The following NFYC variants were observed in gnomAD, a reference collection of about 807,000 sequenced individuals.
NFYC encodes the protein CAAT box DNA-binding protein subunit C.
In NFYC, 25 loss-of-function variants were observed where a neutral mutation model predicts 53.1. That is an observed-to-expected ratio of 0.47 (90% CI 0.34 to 0.66). The LOEUF is 0.66. NFYC is among the 30% of genes least tolerant of loss of function. NFYC has a pLI of 0.01. For missense variants in NFYC, 260 were observed against 422.7 expected (o/e 0.62, Z 3.38); for synonymous variants, 145 against 152.6 (o/e 0.95, Z 0.37).
Position 40,762,976 on chromosome 1 carries a change from G to A in NFYC, c.650G>A (p.Ser217Asn), listed in dbSNP as rs764859521. The A allele has an allele frequency of 6.2e-6, 10 of 1,612,096 alleles. No individual in the cohort carries two copies. The change falls in exon 7 of 10, where the codon AGT becomes AAT. Residue 217 changes from serine (S) to asparagine (N), a missense_variant. Ser to Asn is a conservative substitution (Grantham distance 46, BLOSUM62 1). Coordinates refer to ENST00000447388, the MANE Select transcript of NFYC (RefSeq NM_014223.5). Reference sequence around the variant, plus strand: ...CAGGGTCAAGCCCAACAGGCCCAGAGTGGCACTGGACAGACCATGCAGGTG... The same window carrying A: ...CAGGGTCAAGCCCAACAGGCCCAGAATGGCACTGGACAGACCATGCAGGTG... ...QPQGQAQQAQ[S>N]GTGQTMQVMQ... is the part of the protein sequence containing the mutation.
chr1:40,709,178 G>A (rs564815227), intron 1 of NFYC, among the ~76,000 whole-genome samples: 1 of 152,272 alleles, frequency 6.6e-6, no homozygotes, highest in African/African-American at 2.4e-5. Flanking sequence ...TGCTTCTCAA[G>A]GTAACTTTAA....
intron 1 of NFYC, among the ~76,000 whole-genome samples, chr1:40,737,901 C>CTTTTTTTTTTTTTTTTTT (rs530348029): frequency 1.5e-4 from 19 of 123,140 alleles, no homozygotes; most frequent in African/African-American, 5.0e-4. Flanking sequence ...TGCTCTCTCT[C>CTTTTTTTTTTTTTTTTTT]TTTTTTTTTT....
chr1:40,750,733 A>G (rs1645867348), intron 4 of NFYC, among the ~76,000 whole-genome samples: 1 of 152,258 alleles, frequency 6.6e-6, no homozygotes, highest in South Asian at 2.1e-4. Flanking sequence ...TAGAAAATAA[A>G]ATAGGCAAAA....
intron 8 of NFYC, chr1:40,769,118 G>T (rs963783286): frequency 2.0e-6 from 1 of 491,130 alleles, no homozygotes; most frequent in African/African-American, 2.0e-5. Context: ...AGAGATGGGT[G>T]TGGGAACTAT....
chr1:40,697,583 C>A (rs1200268196), intron 1 of NFYC, among the ~76,000 whole-genome samples: 1 of 152,170 alleles, frequency 6.6e-6, no homozygotes, highest in African/African-American at 2.4e-5. Flanking sequence ...TGATTAAATT[C>A]GGAACAACTG....
chr1:40,762,404 T>C (rs958146046), intron 6 of NFYC, among the ~76,000 whole-genome samples: 1 of 152,342 alleles, frequency 6.6e-6, no homozygotes, highest in Admixed American at 6.5e-5. Flanking sequence ...ACCCCTGTGC[T>C]TTATTTTTCT....
At chr1:40,723,015 A>G (rs770387348) in intron 1 of NFYC, among the ~76,000 whole-genome samples, 1 of 152,230 alleles carries the variant, frequency 6.6e-6, no homozygotes, top group Admixed American at 6.5e-5. Context: ...TTGTATTGTG[A>G]TCTTGAGCAA....
chr1:40,765,916 C>CT (rs1282110912), intron 7 of NFYC, among the ~76,000 whole-genome samples: 3 of 152,188 alleles, frequency 2.0e-5, no homozygotes, highest in Admixed American at 6.5e-5. Context: ...ATGAGAGACT[C>CT]TAAGGGCGCT....
intron 1 of NFYC, among the ~76,000 whole-genome samples, chr1:40,708,408 G>T (rs191281003): frequency 2.6e-5 from 4 of 152,296 alleles, no homozygotes; most frequent in Non-Finnish European, 5.9e-5. Flanking sequence ...CAAGGATTTT[G>T]GTATCCATGA....
intron 7 of NFYC, among the ~76,000 whole-genome samples, chr1:40,763,906 G>A (rs1646691006): frequency 6.6e-6 from 1 of 152,224 alleles, no homozygotes; most frequent in African/African-American, 2.4e-5. Flanking sequence ...AGGATAAGAG[G>A]GAGGCGTATA....
At chr1:40,708,829 GA>G (rs1643841153) in intron 1 of NFYC, among the ~76,000 whole-genome samples, 1 of 152,184 alleles carries the variant, frequency 6.6e-6, no homozygotes, top group Non-Finnish European at 1.5e-5. Flanking sequence ...ATGCTCAACA[GA>G]AAACTGAAGA....
intron 1 of NFYC, among the ~76,000 whole-genome samples, chr1:40,694,123 T>A (rs1642995045): frequency 6.6e-6 from 1 of 152,268 alleles, no homozygotes. Context: ...AGGTAATTTA[T>A]GCCAAATGGC....
intron 1 of NFYC, among the ~76,000 whole-genome samples, chr1:40,733,684 T>C (rs1044393788): frequency 8.6e-5 from 13 of 151,438 alleles, no homozygotes; most frequent in African/African-American, 3.1e-4. Flanking sequence ...TCCTTCTGCC[T>C]CAGCCTCCTG....
chr1:40,735,501 A>G (rs1644981835), intron 1 of NFYC: 2 of 754,964 alleles, frequency 2.6e-6, no homozygotes, highest in East Asian at 1.3e-4. Flanking sequence ...GACTGCACAG[A>G]TGGTTCTAGA....
intron 2 of NFYC, among the ~76,000 whole-genome samples, chr1:40,742,923 C>G (rs182440931): frequency 1.3e-5 from 2 of 152,274 alleles, no homozygotes; most frequent in African/African-American, 4.8e-5. Context: ...CTGTCCCTTT[C>G]CAGAACTCAA....
At chr1:40,725,742 G>C (rs1394968335) in intron 1 of NFYC, among the ~76,000 whole-genome samples, 1 of 152,086 alleles carries the variant, frequency 6.6e-6, no homozygotes, top group African/African-American at 2.4e-5. Context: ...ACTAACCTCA[G>C]TAAATACCTG....
intron 1 of NFYC, among the ~76,000 whole-genome samples, chr1:40,715,066 C>T (rs1424497843): frequency 1.5e-5 from 2 of 132,744 alleles, no homozygotes; most frequent in Non-Finnish European, 3.2e-5. Flanking sequence ...TGCAACAAAT[C>T]GAGACTCCAT....
intron 7 of NFYC, among the ~76,000 whole-genome samples, chr1:40,763,658 T>C (rs1646677204): frequency 6.6e-6 from 1 of 152,206 alleles, no homozygotes. Flanking sequence ...TCAGTACTTA[T>C]TTATATATAT....
At position 40,758,302 on chromosome 1, in the gene NFYC, A is replaced by G; in HGVS notation, c.561+8A>G. 6.2e-7 allele frequency: 1 copy of G among 1,600,962 alleles called. No individual in the cohort carries two copies. Among genetic ancestry groups the G allele is most frequent in the Non-Finnish European group, 8.5e-7 (1 of 1,172,100 alleles). On this transcript the variant is annotated splice_region_variant and intron_variant, in intron 6 of 9. Transcript: ENST00000447388. ...CAGCCTCAGCAGGGCCAGGTCTGTG[A>G]GCTGCTGAGGATGCCCATCCAGCAA...
Sources: allele counts gnomAD v4.1 joint callset (sites outside exome capture counted in the v4.1 genomes callset), GRCh38; gene constraint gnomAD v4.1.1; transcripts MANE v1.5; gene names NCBI Gene and HGNC (gene_info 2026-07-23, HGNC 2026-07-21).